Variants in OTUD7A observed in about 807,000 individuals in gnomAD.
OTUD7A encodes OTU domain-containing protein 7A.
A neutral mutation model predicts 65.7 loss-of-function variants in OTUD7A; 12 were observed. The ratio of observed to expected loss-of-function variants is 0.18; its 90% CI spans 0.12 to 0.30. OTUD7A has a LOEUF of 0.30. Among genes scored for constraint, OTUD7A ranks in the 10% least tolerant of loss-of-function variants. The probability of loss-of-function intolerance (pLI) is 1.00; values close to 1 mark genes in which losing one functional copy is unlikely to be tolerated. For synonymous variants in OTUD7A, 641 were observed against 586.3 expected, an observed-to-expected ratio of 1.09 and a Z score of -1.35; for missense variants, 1,148 against 1,304.8, an observed-to-expected ratio of 0.88 and a Z score of 1.85.
chr15:31,806,967 C>T (rs1896285311), intron 1 of OTUD7A, among the ~76,000 whole-genome samples: 1 of 152,226 alleles, frequency 6.6e-6, no homozygotes, highest in African/African-American at 2.4e-5. Context: ...GATGTGTACT[C>T]ATTCACTTTT....
intron 3 of OTUD7A, among the ~76,000 whole-genome samples, chr15:31,628,124 T>C (rs981231664): frequency 1.1e-4 from 17 of 152,214 alleles, no homozygotes; most frequent in African/African-American, 4.1e-4. Flanking sequence ...ATGTTGGCTT[T>C]TGTTGCCATT....
At chr15:31,635,775 TCA>T (rs1485945074) in intron 3 of OTUD7A, among the ~76,000 whole-genome samples, 1 of 152,268 alleles carries the variant, frequency 6.6e-6, no homozygotes, top group African/African-American at 2.4e-5. Context: ...TCTTGTTAAT[TCA>T]CTTCAGGCTG....
chr15:31,809,572 A>T (rs905441242), intron 1 of OTUD7A, among the ~76,000 whole-genome samples: 1 of 152,222 alleles, frequency 6.6e-6, no homozygotes, highest in African/African-American at 2.4e-5. Context: ...TTGCAATCCT[A>T]ATAAAATAGT....
At chr15:31,693,215 T>C (rs1040849388) in intron 1 of OTUD7A, among the ~76,000 whole-genome samples, 1 of 152,244 alleles carries the variant, frequency 6.6e-6, no homozygotes, top group African/African-American at 2.4e-5. Flanking sequence ...GAGAAGTCTG[T>C]AACAACTTCT....
intron 5 of OTUD7A, among the ~76,000 whole-genome samples, chr15:31,554,411 G>A (rs934849154): frequency 2.0e-5 from 3 of 152,182 alleles, no homozygotes; most frequent in Non-Finnish European, 2.9e-5. Flanking sequence ...CTTTCAGAGG[G>A]AAGGAAGTGA....
chr15:31,537,608 T>C (rs1357997357), intron 5 of OTUD7A, among the ~76,000 whole-genome samples: 3 of 152,226 alleles, frequency 2.0e-5, no homozygotes, highest in Non-Finnish European at 2.9e-5. Context: ...CCTGTCTCAC[T>C]TGACTTTTAA....
chr15:31,833,463 A>T (rs139592032), intron 1 of OTUD7A, among the ~76,000 whole-genome samples: 23 of 152,392 alleles, frequency 1.5e-4, no homozygotes, highest in African/African-American at 5.3e-4. Flanking sequence ...CATTTATAAA[A>T]TCTGTATCCA....
chr15:31,490,860 C>A (rs2041309079), intron 10 of OTUD7A, among the ~76,000 whole-genome samples: 2 of 152,000 alleles, frequency 1.3e-5, no homozygotes, highest in South Asian at 4.1e-4. Flanking sequence ...TGTAGGGCAA[C>A]AAACACTGGG....
chr15:31,721,052 T>C lies in OTUD7A; in HGVS notation c.-99-63975A>G, dbSNP rs564709988. ...CAGGCTATACCACATAGCCTAGGCATGTAGTAGGCTATGCCATCTAGGTTT... is the reference window on the plus strand; with the variant it reads ...CAGGCTATACCACATAGCCTAGGCACGTAGTAGGCTATGCCATCTAGGTTT... On this transcript the variant is annotated intron_variant, in intron 1 of 12. Transcript: ENST00000307050. Among the ~76,000 whole-genome samples the C allele has an allele frequency of 4.9e-4, 74 of 152,348 alleles. No homozygotes were observed. In the South Asian group the frequency reaches 0.014, roughly 29 times the overall value.
At chr15:31,709,060 C>T (rs1240755823) in intron 1 of OTUD7A, among the ~76,000 whole-genome samples, 1 of 151,510 alleles carries the variant, frequency 6.6e-6, no homozygotes, top group Non-Finnish European at 1.5e-5. Context: ...CAAGGTAATG[C>T]AAAAGACCTG....
intron 1 of OTUD7A, among the ~76,000 whole-genome samples, chr15:31,777,023 C>G (rs1004586812): frequency 6.6e-6 from 1 of 152,126 alleles, no homozygotes; most frequent in Admixed American, 6.5e-5. Flanking sequence ...CCACCTGCCC[C>G]CTAGCTCAGT....
At chr15:31,747,491 A>T (rs1894512122) in intron 1 of OTUD7A, among the ~76,000 whole-genome samples, 1 of 152,164 alleles carries the variant, frequency 6.6e-6, no homozygotes, top group African/African-American at 2.4e-5. Flanking sequence ...GCTAGTTTGA[A>T]GGGATTCCCC....
chr15:31,510,583 A>C (rs2041677557), intron 8 of OTUD7A, among the ~76,000 whole-genome samples: 2 of 62,608 alleles, frequency 3.2e-5, no homozygotes, highest in South Asian at 1.1e-3. Flanking sequence ...TATATGTAAC[A>C]TACATATGTA....
At chr15:31,486,162 C>T (rs1331535508) in intron 12 of OTUD7A, among the ~76,000 whole-genome samples, 2 of 152,152 alleles carry the variant, frequency 1.3e-5, no homozygotes, top group African/African-American at 4.8e-5. Context: ...ATTCTCAGCC[C>T]GAGAGCCTCC....
intron 1 of OTUD7A, among the ~76,000 whole-genome samples, chr15:31,852,876 T>C (rs1287297545): frequency 4.6e-5 from 7 of 152,254 alleles, no homozygotes; most frequent in Non-Finnish European, 1.0e-4. Flanking sequence ...TTCAAGGTTA[T>C]ACTGATGAAT....
At chr15:31,727,097 G>A (rs1462729815) in intron 1 of OTUD7A, among the ~76,000 whole-genome samples, 1 of 152,176 alleles carries the variant, frequency 6.6e-6, no homozygotes, top group Non-Finnish European at 1.5e-5. Flanking sequence ...TCTCCCCTAA[G>A]AGACTCTCTC....
intron 5 of OTUD7A, 175 bp downstream of exon 5, chr15:31,558,782 CCAGCCCATGCTG>C: frequency 1.5e-6 from 1 of 654,108 alleles, no homozygotes; most frequent in Non-Finnish European, 2.6e-6. Flanking sequence ...GCCCCTCCAT[CCAGCCCATGCTG>C]GCTAGAACAC....
Position 31,487,425 on chromosome 15 carries a change from G to A in OTUD7A, c.1286+27C>T. ...AGCCATAGCCCTCCCTGTGGGCGCT[G>A]GGGAAAGGGACAGAGTAGGATCTTA... is the stretch of plus-strand genomic sequence containing the variant. On this transcript the variant is annotated intron_variant, in intron 11 of 12. Transcript: ENST00000307050. This position sits in a 1 kb window ranked among gnomAD's most constrained non-coding sequence, Gnocchi z 6.0. The A allele has an allele frequency of 6.2e-7, 1 of 1,607,950 alleles. No individual in the cohort carries two copies. Among genetic ancestry groups the A allele is most frequent in the Non-Finnish European group, 8.5e-7 (1 of 1,175,702 alleles).
intron 8 of OTUD7A, among the ~76,000 whole-genome samples, chr15:31,510,586 C>T (rs76702001): frequency 0.35 from 10,796 of 31,228 alleles, 2,669 homozygotes; most frequent in African/African-American, 0.65. Context: ...ATGTAACATA[C>T]ATATGTATAT....
Sources: allele counts gnomAD v4.1 joint callset (sites outside exome capture counted in the v4.1 genomes callset), GRCh38; gene constraint gnomAD v4.1.1; non-coding constraint Gnocchi (gnomAD v3.1); transcripts MANE v1.5; gene names NCBI Gene and HGNC (gene_info 2026-07-23, HGNC 2026-07-21).